The following ANGEL2 variants were observed in gnomAD, a reference collection of about 807,000 sequenced individuals.
ANGEL2 encodes RNA 2',3'-cyclic phosphatase ANGEL2.
Under a neutral mutation model 66.0 loss-of-function variants are expected in ANGEL2, and 41 were observed. The ratio of observed to expected loss-of-function variants is 0.62; its 90% CI spans 0.48 to 0.81. The LOEUF is 0.81. Ranked by LOEUF, ANGEL2 falls within the 30% of genes least tolerant of loss-of-function variation. The pLI, the probability that ANGEL2 is intolerant of heterozygous loss-of-function variation, is 0.00. For synonymous variants in ANGEL2, 208 were observed against 226.5 expected (o/e 0.92, Z 0.73); for missense variants, 561 against 641.6 (o/e 0.87, Z 1.36).
Position 213,000,386 on chromosome 1 carries a change from G to T in ANGEL2, c.1262-3C>A. ...CTGTGTTTGTGTCAGATCACTGTCTGTAAGAATAGAGGAAAATATATTAAT... is the reference window on the plus strand; with the variant it reads ...CTGTGTTTGTGTCAGATCACTGTCTTTAAGAATAGAGGAAAATATATTAAT... On this transcript the variant is annotated splice_polypyrimidine_tract_variant and splice_region_variant and intron_variant, in intron 6 of 8. Transcript: ENST00000366962. 4 of 1,611,708 alleles carry T rather than the reference G, an allele frequency of 2.5e-6. No homozygotes were observed. The highest frequency in any genetic ancestry group is 3.4e-6 in the Non-Finnish European group (4 of 1,178,080).
At chr1:212,998,504 A>G (rs1307815757) in intron 7 of ANGEL2, among the ~76,000 whole-genome samples, 1 of 151,886 alleles carries the variant, frequency 6.6e-6, no homozygotes, top group African/African-American at 2.4e-5. Context: ...ATTTACATAA[A>G]GATACAAAAA....
intron 2 of ANGEL2, among the ~76,000 whole-genome samples, chr1:213,012,760 GAAGTCT>G (rs1219710596): frequency 2.0e-5 from 3 of 152,126 alleles, no homozygotes; most frequent in African/African-American, 7.2e-5. Context: ...CAATTTCTAA[GAAGTCT>G]AAGGGCCTTT....
Position 213,005,388 on chromosome 1 carries a change from T to C in ANGEL2, c.779A>G (p.His260Arg). ...KPDGCAICFK[H>R]SKFSLLSVNP... ...CACTGACAAGAGTGAAAATTTGGAATGTTTGAAGCAAATAGCACAGCCATC... is the reference window on the plus strand; with the variant it reads ...CACTGACAAGAGTGAAAATTTGGAACGTTTGAAGCAAATAGCACAGCCATC... The change falls in exon 5 of 9, where the codon CAT becomes CGT. Residue 260 changes from histidine (H) to arginine (R), a missense_variant. His to Arg is a conservative substitution (Grantham distance 29). Coordinates refer to ENST00000366962, the MANE Select transcript of ANGEL2 (RefSeq NM_144567.5). 1 of 1,614,202 alleles carries C rather than the reference T, an allele frequency of 6.2e-7. No individual in the cohort carries two copies. Among genetic ancestry groups the C allele is most frequent in the South Asian group, 1.1e-5 (1 of 91,082 alleles).
chr1:212,993,889 C>A lies in ANGEL2; in HGVS notation c.*1152G>T, dbSNP rs1416298090. ...AACAAAAATAATTTTATAGCTGCCA[C>A]TTTGTTCCAAAGACAAATTTCCTAA... On this transcript the variant is annotated 3_prime_UTR_variant, in exon 9 of 9. Transcript: ENST00000366962. 6.6e-6 allele frequency: 1 copy of A among 152,236 alleles called. No homozygotes were observed. Among genetic ancestry groups the A allele is most frequent in the Non-Finnish European group, 1.5e-5 (1 of 68,048 alleles). 9.4% of individuals were successfully genotyped at this position (152,236 alleles called of 1,614,324 possible). A position where few individuals can be genotyped will look rare whatever the true frequency, so the allele number is the denominator to read the frequency against.
rs966963086 is a variant in ANGEL2 at position 213,015,345 on chromosome 1, C to T, written c.59+268G>A. On this transcript the variant is annotated intron_variant, in intron 1 of 8. Coordinates refer to ENST00000366962, the MANE Select transcript of ANGEL2 (RefSeq NM_144567.5). ...GGGAAGCAGGCCAGGGATCCAAAGC[C>T]ACTGGCACAAGCCTGGCCGGCGGCC... The T allele has an allele frequency of 5.0e-6, 7 of 1,386,540 alleles. No homozygotes were observed. In the African/African-American group the frequency reaches 8.8e-5, roughly 17 times the overall value. 85.9% of individuals were successfully genotyped at this position (1,386,540 alleles called of 1,614,324 possible).
chr1:213,013,128 C>T lies in ANGEL2; in HGVS notation c.350G>A (p.Gly117Glu). 6.2e-7 allele frequency: 1 copy of T among 1,614,108 alleles called. No individual in the cohort carries two copies. Among genetic ancestry groups the T allele is most frequent in the Non-Finnish European group, 8.5e-7 (1 of 1,179,998 alleles). ...HLSSYVMNAE[G>E]DEPSSKRRKH... ...TCTTCGTTTTGATGAAGGCTCATCTCCCTCAGCGTTCATGACGTAACTAGA... is the reference window on the plus strand; with the variant it reads ...TCTTCGTTTTGATGAAGGCTCATCTTCCTCAGCGTTCATGACGTAACTAGA... The change falls in exon 2 of 9, where the codon GGA becomes GAA. Residue 117 changes from glycine to glutamate, a missense_variant. Physicochemically the swap from Gly to Glu is moderately conservative, Grantham distance 98. Coordinates refer to ENST00000366962, the MANE Select transcript of ANGEL2 (RefSeq NM_144567.5).
At chr1:213,013,504 G>T (rs938918230) in intron 1 of ANGEL2, 86 bp from the exon 2 acceptor site, 2 of 1,237,820 alleles carry the variant, frequency 1.6e-6, no homozygotes, top group Non-Finnish European at 2.3e-6. Flanking sequence ...TCAAGGGAAG[G>T]TAATGTCTAA....
At chr1:213,006,575 T>C (rs1358255559) in intron 4 of ANGEL2, 1 of 152,024 alleles carries the variant, frequency 6.6e-6, no homozygotes, top group Non-Finnish European at 1.5e-5. Context: ...ATCAAACAGG[T>C]TTTTGGCATC....
In ANGEL2 at chr1:212,994,964, T is replaced by TG; in HGVS notation, c.*76dup. Reference sequence around the variant, plus strand: ...CTCCACAGTGCAAAAATAAACAACATGCATACACTTAAGAACTTTACATTC... The same window carrying TG: ...CTCCACAGTGCAAAAATAAACAACATGGCATACACTTAAGAACTTTACATTC... On this transcript the variant is annotated 3_prime_UTR_variant, in exon 9 of 9. Coordinates refer to ENST00000366962, the MANE Select transcript of ANGEL2 (RefSeq NM_144567.5). 7.4e-7 allele frequency: 1 copy of TG among 1,353,726 alleles called. No individual in the cohort carries two copies. Among genetic ancestry groups the TG allele is most frequent in the Non-Finnish European group, 9.8e-7 (1 of 1,022,528 alleles). The allele number at this position is 1,353,726 out of a possible 1,614,324, so 83.9% of individuals were successfully genotyped here. A position where few individuals can be genotyped will look rare whatever the true frequency, so the allele number is the denominator to read the frequency against.
intron 5 of ANGEL2, among the ~76,000 whole-genome samples, chr1:213,004,000 T>TA (rs998625964): frequency 6.6e-6 from 1 of 151,926 alleles, no homozygotes; most frequent in African/African-American, 2.4e-5. Context: ...GGTTGGGAGT[T>TA]AGAGACCATC....
intron 2 of ANGEL2, chr1:213,011,466 G>A: frequency 9.0e-7 from 1 of 1,109,388 alleles, no homozygotes; most frequent in South Asian, 2.2e-5. Flanking sequence ...CACCTAGGAA[G>A]AATGGACATA....
At chr1:212,996,167 CAT>C (rs2148128769) in intron 8 of ANGEL2, among the ~76,000 whole-genome samples, 1 of 152,150 alleles carries the variant, frequency 6.6e-6, no homozygotes, top group Admixed American at 6.5e-5. Flanking sequence ...ATTAGCCGGG[CAT>C]GGTGGCGGGC....
In ANGEL2 at chr1:212,994,305, T is replaced by A. The variant is rs1380818866; in HGVS notation, c.*736A>T. 1 of 151,976 alleles carries A rather than the reference T, an allele frequency of 6.6e-6. No individual in the cohort carries two copies. The highest frequency in any genetic ancestry group is 6.6e-5 in the Admixed American group (1 of 15,242). 9.4% of individuals were successfully genotyped at this position (151,976 alleles called of 1,614,324 possible). On this transcript the variant is annotated 3_prime_UTR_variant, in exon 9 of 9. Coordinates refer to ENST00000366962, the MANE Select transcript of ANGEL2 (RefSeq NM_144567.5). ...CTCAAAAAATAAAATAAAATAAAAA[T>A]AAATAAATAAAAATGCTAGGGAAAC... is the stretch of plus-strand genomic sequence containing the variant.
At chr1:213,011,673 A>T (rs546788766) in intron 2 of ANGEL2, among the ~76,000 whole-genome samples, 1 of 152,322 alleles carries the variant, frequency 6.6e-6, no homozygotes, top group African/African-American at 2.4e-5. Context: ...CAAGGAGCAA[A>T]GAGGTTAAGT....
chr1:213,000,967 G>A (rs1052739211), intron 5 of ANGEL2, 55 bp from the exon 6 acceptor site: 16 of 1,545,090 alleles, frequency 1.0e-5, no homozygotes, highest in South Asian at 2.4e-5. Flanking sequence ...TAGCTTATGA[G>A]TTGAAAAATT....
At chr1:213,002,542 T>C (rs1471615150) in intron 5 of ANGEL2, among the ~76,000 whole-genome samples, 1 of 152,194 alleles carries the variant, frequency 6.6e-6, no homozygotes, top group Admixed American at 6.5e-5. Flanking sequence ...GCCTGTCCTT[T>C]GAAACCAGGC....
chr1:213,009,211 A>T (rs984828768), intron 2 of ANGEL2, among the ~76,000 whole-genome samples: 5 of 152,150 alleles, frequency 3.3e-5, no homozygotes, highest in African/African-American at 7.2e-5. Flanking sequence ...TGAAAAGAAT[A>T]AAAAAACACA....
intron 2 of ANGEL2, 115 bp from the exon 3 acceptor site, chr1:213,008,581 T>A: frequency 4.8e-6 from 6 of 1,262,730 alleles, no homozygotes; most frequent in Non-Finnish European, 6.4e-6. Flanking sequence ...GAATAGAATG[T>A]TTTTCCCTAG....
In ANGEL2 at chr1:213,008,441, A is replaced by G; in HGVS notation, c.411T>C (p.Tyr137=). Residue 137 remains tyrosine (Y), a synonymous_variant, in exon 3 of 9, where the codon TAT becomes TAC. Coordinates refer to ENST00000366962, the MANE Select transcript of ANGEL2 (RefSeq NM_144567.5). ...TTTTTTCTTTATCATGGCTACATAT[A>G]TATTCCCAATTCCGCTTTATCACAC... ...HQGVIKRNWE[Y]ICSHDKEKTK... 6.2e-7 allele frequency: 1 copy of G among 1,613,670 alleles called. No homozygotes were observed. The highest frequency in any genetic ancestry group is 8.5e-7 in the Non-Finnish European group (1 of 1,179,852).
Sources: allele counts gnomAD v4.1 joint callset (sites outside exome capture counted in the v4.1 genomes callset), GRCh38; gene constraint gnomAD v4.1.1; transcripts MANE v1.5; gene names NCBI Gene and HGNC (gene_info 2026-07-23, HGNC 2026-07-21).